Variants in MYO9B observed in about 807,000 individuals in gnomAD.
MYO9B encodes myosin IXB.
Under a neutral mutation model 229.5 loss-of-function variants are expected in MYO9B, and 71 were observed. That is an observed-to-expected ratio of 0.31 (90% CI 0.26 to 0.38). MYO9B has a LOEUF of 0.38. Among genes scored for constraint, MYO9B ranks in the 10% least tolerant of loss-of-function variants. The pLI is 1.00. For synonymous variants in MYO9B, 1,185 were observed against 1,235.8 expected (o/e 0.96, Z 0.86); for missense variants, 2,255 against 2,920.5 (o/e 0.77, Z 5.25).
chr19:17,210,150 G>A (rs2073209740), intron 36 of MYO9B, among the ~76,000 whole-genome samples, 183 bp from the exon 37 acceptor site: 1 of 152,166 alleles, frequency 6.6e-6, no homozygotes, highest in Admixed American at 6.5e-5. Flanking sequence ...TACCCACGGG[G>A]AAATGTTCCC....
Position 17,201,232 on chromosome 19 carries a change from C to CA in MYO9B, c.4563+411dup, listed in dbSNP as rs559913065. Among the ~76,000 whole-genome samples the CA allele has an allele frequency of 1.2e-4, 18 of 151,404 alleles. No individual in the cohort carries two copies. The East Asian group carries it at 1.6e-3, about 13-fold the overall frequency. ...TGGGTGACAGAGCAAGACCCTGGCTCAAAAAAAATAATAATGCATATTTGG... is the reference window on the plus strand; with the variant it reads ...TGGGTGACAGAGCAAGACCCTGGCTCAAAAAAAAATAATAATGCATATTTGG... On this transcript the variant is annotated intron_variant, in intron 26 of 39. Transcript: ENST00000682292.
intron 21 of MYO9B, among the ~76,000 whole-genome samples, chr19:17,194,172 A>AAAAATAAAATAAAATAAAATAAAAT (rs59395007): frequency 4.6e-4 from 69 of 148,528 alleles, no homozygotes; most frequent in Non-Finnish European, 8.5e-4. Context: ...ACTCTGTCTC[A>AAAAATAAAATAAAATAAAATAAAAT]AAAATAAAAT....
At chr19:17,118,766 C>T (rs374784234) in intron 2 of MYO9B, among the ~76,000 whole-genome samples, 24 of 152,212 alleles carry the variant, frequency 1.6e-4, no homozygotes, top group Admixed American at 1.4e-3. Flanking sequence ...GGATCACAGG[C>T]GTGAGCCACC....
At chr19:17,134,574 A>G (rs2072246138) in intron 2 of MYO9B, among the ~76,000 whole-genome samples, 1 of 151,152 alleles carries the variant, frequency 6.6e-6, no homozygotes, top group African/African-American at 2.4e-5. Context: ...CTGTTCTAGT[A>G]GAGATGAGAT....
chr19:17,098,334 C>T (rs1223115865), intron 1 of MYO9B, among the ~76,000 whole-genome samples: 2 of 152,184 alleles, frequency 1.3e-5, no homozygotes, highest in South Asian at 2.1e-4. Context: ...GGATTACAAG[C>T]GTGAGCGACC....
Position 17,194,952 on chromosome 19 carries a change from C to T in MYO9B, c.3525C>T (p.Leu1175=). 1 of 1,613,372 alleles carries T rather than the reference C, an allele frequency of 6.2e-7. No homozygotes were observed. The highest frequency in any genetic ancestry group is 8.5e-7 in the Non-Finnish European group (1 of 1,179,888). The change falls in exon 22 of 40, where the codon CTC becomes CTT. Residue 1175 remains leucine, a synonymous_variant. Coordinates refer to ENST00000682292, the MANE Select transcript of MYO9B (RefSeq NM_004145.4). ...HIQSCKEESA[L]REPSRRVTQE... is the part of the protein sequence containing the mutation. The stretch of plus-strand genomic sequence containing the variant: ...AGTCCTGCAAGGAGGAGAGTGCCCT[C>T]AGAGAACCTTCCAGAAGGGTCACCC...
chr19:17,150,120 G>A lies in MYO9B; in HGVS notation c.936-2524G>A, dbSNP rs2072460623. On this transcript the variant is annotated intron_variant, in intron 3 of 39. Coordinates refer to ENST00000682292, the MANE Select transcript of MYO9B (RefSeq NM_004145.4). ...TGTGTGAGCCTGCAGACAAAAGACT[G>A]CTGTCTTGGGCTGGGCGCGGTGGCT... 2.6e-5 allele frequency among the ~76,000 whole-genome samples: 4 copies of A among 152,318 alleles called. No individual in the cohort carries two copies. The South Asian group carries it at 8.3e-4, about 32-fold the overall frequency.
At chr19:17,181,679 G>C (rs1478226902) in intron 15 of MYO9B, among the ~76,000 whole-genome samples, 1 of 152,224 alleles carries the variant, frequency 6.6e-6, no homozygotes. Context: ...GGCCATTGGG[G>C]TGTGGGCTGG....
chr19:17,191,253 C>T (rs1275373286), intron 20 of MYO9B, 34 bp downstream of exon 20: 1 of 1,596,216 alleles, frequency 6.3e-7, no homozygotes, highest in Non-Finnish European at 8.5e-7. Flanking sequence ...CACTACAAAC[C>T]CACACCCTGC....
chr19:17,202,567 A>G (rs1038565574), intron 28 of MYO9B, among the ~76,000 whole-genome samples: 2 of 151,996 alleles, frequency 1.3e-5, no homozygotes, highest in Non-Finnish European at 2.9e-5. Context: ...TGCTATGCCT[A>G]CCCATCCCTT....
intron 1 of MYO9B, among the ~76,000 whole-genome samples, chr19:17,082,827 G>A (rs1327590300): frequency 6.6e-6 from 1 of 152,100 alleles, no homozygotes; most frequent in Non-Finnish European, 1.5e-5. Context: ...TGATTTAGCA[G>A]GGAAGGGAGA....
At chr19:17,128,653 C>T (rs1282881880) in intron 2 of MYO9B, among the ~76,000 whole-genome samples, 4 of 152,270 alleles carry the variant, frequency 2.6e-5, no homozygotes, top group Admixed American at 2.0e-4. Context: ...TCACAGCTCT[C>T]GTCTGGGTCT....
intron 2 of MYO9B, among the ~76,000 whole-genome samples, chr19:17,130,716 G>A (rs150594876): frequency 0.015 from 2,203 of 151,908 alleles, 58 homozygotes; most frequent in African/African-American, 0.048. Context: ...CCTGGGGGGC[G>A]GAGGTTGCAG....
intron 2 of MYO9B, among the ~76,000 whole-genome samples, chr19:17,134,377 G>GTTT (rs1568267173): frequency 1.5e-4 from 6 of 39,732 alleles, no homozygotes; most frequent in African/African-American, 3.8e-4. Context: ...TTTTCGTTTT[G>GTTT]TTTGTTTTTT....
At chr19:17,134,377 G>GTTTTTTTTTTTTTTTTTTTTTTTTT (rs1568267173) in intron 2 of MYO9B, among the ~76,000 whole-genome samples, 1 of 39,726 alleles carries the variant, frequency 2.5e-5, no homozygotes, top group African/African-American at 9.5e-5. Flanking sequence ...TTTTCGTTTT[G>GTTTTTTTTTTTTTTTTTTTTTTTTT]TTTGTTTTTT....
At chr19:17,100,979 G>C (rs1205562860) in intron 1 of MYO9B, among the ~76,000 whole-genome samples, 1 of 150,688 alleles carries the variant, frequency 6.6e-6, no homozygotes, top group East Asian at 2.0e-4. Flanking sequence ...TGCTTGGGGA[G>C]CTGCTGGGGA....
intron 1 of MYO9B, among the ~76,000 whole-genome samples, chr19:17,087,131 T>C (rs1400835840): frequency 6.6e-6 from 1 of 152,168 alleles, no homozygotes; most frequent in Non-Finnish European, 1.5e-5. Flanking sequence ...GTTAACCATA[T>C]GTTGAAAGAA....
chr19:17,174,068 T>C (rs1477317468), intron 13 of MYO9B, among the ~76,000 whole-genome samples: 1 of 132,392 alleles, frequency 7.6e-6, no homozygotes, highest in Non-Finnish European at 1.5e-5. Context: ...TCTTGCTCTG[T>C]CGCCCAGGCT....
chr19:17,132,178 CTT>C (rs60927116), intron 2 of MYO9B, among the ~76,000 whole-genome samples: 5 of 78,446 alleles, frequency 6.4e-5, no homozygotes, highest in African/African-American at 1.1e-4. Context: ...TATTTTATTT[CTT>C]TTTTTTTTTT....
Sources: gnomAD v4.1 joint callset for allele counts (sites outside exome capture counted in the v4.1 genomes callset) on GRCh38, gnomAD v4.1.1 for gene constraint, MANE v1.5 for transcripts, NCBI Gene and HGNC (gene_info 2026-07-23, HGNC 2026-07-21) for gene names.